The following CDYL2 variants were observed in gnomAD, a reference collection of about 807,000 sequenced individuals.
CDYL2 encodes the protein chromodomain Y-like protein 2.
Under a neutral mutation model 49.4 loss-of-function variants are expected in CDYL2, and 23 were observed. The ratio of observed to expected loss-of-function variants is 0.47; its 90% CI spans 0.34 to 0.66. The LOEUF (loss-of-function observed/expected upper bound fraction) is 0.66, where lower values mean the gene tolerates loss of function less well. CDYL2 is among the 30% of genes least tolerant of loss of function. CDYL2 has a pLI of 0.01. For synonymous variants in CDYL2, 360 were observed against 268.8 expected (o/e 1.34, Z -3.32); for missense variants, 678 against 656.4 (o/e 1.03, Z -0.36).
At chr16:80,640,440 G>A (rs368670136) in intron 2 of CDYL2, among the ~76,000 whole-genome samples, 2 of 152,120 alleles carry the variant, frequency 1.3e-5, no homozygotes, top group East Asian at 3.9e-4. Context: ...ACCACGTTGA[G>A]GGCCTTGGGT....
intron 1 of CDYL2, among the ~76,000 whole-genome samples, chr16:80,736,863 T>G (rs1905550527): frequency 6.6e-6 from 1 of 152,256 alleles, no homozygotes; most frequent in Admixed American, 6.5e-5. Flanking sequence ...CCCAGTCATT[T>G]GAACTGTTCA....
chr16:80,736,382 C>T (rs1190713563), intron 1 of CDYL2: 1 of 152,234 alleles, frequency 6.6e-6, no homozygotes, highest in Non-Finnish European at 1.5e-5. Context: ...ATTCAACAGA[C>T]TAAGCACTTA....
chr16:80,750,836 G>A (rs1473116232), intron 1 of CDYL2, among the ~76,000 whole-genome samples: 3 of 152,140 alleles, frequency 2.0e-5, no homozygotes, highest in East Asian at 1.9e-4. Context: ...TGGCTAAACA[G>A]TGAAACCCCG....
At chr16:80,715,473 T>G (rs1407706393) in intron 1 of CDYL2, among the ~76,000 whole-genome samples, 1 of 152,134 alleles carries the variant, frequency 6.6e-6, no homozygotes, top group East Asian at 1.9e-4. Context: ...CTGAATGTCT[T>G]TGCAAGACAT....
In CDYL2 at chr16:80,706,693, A is replaced by G. The variant is rs140764761; in HGVS notation, c.25-21564T>C. Among the ~76,000 whole-genome samples, 306 of 152,318 alleles carry G rather than the reference A, an allele frequency of 2.0e-3. 5 individuals carry two copies. The highest frequency in any genetic ancestry group is 0.018 in the East Asian group (91 of 5,176). On this transcript the variant is annotated intron_variant, in intron 1 of 6. Transcript: ENST00000570137. ...CTCCACAAGTGTACAAGAAATGCCA[A>G]GAAGAATGAGATTGAGTCCAGGGAC...
Position 80,615,448 on chromosome 16 carries a change from A to C in CDYL2, c.1008-2612T>G, listed in dbSNP as rs999204199. On this transcript the variant is annotated intron_variant, in intron 4 of 6. Transcript: ENST00000570137. ...TAGGACTCATGGGACCGTATCTTCC[A>C]CTCGGTGCAGAATTCCCTCCATAAC... is the stretch of plus-strand genomic sequence containing the variant. Among the ~76,000 whole-genome samples, 9 of 152,044 alleles carry C rather than the reference A, an allele frequency of 5.9e-5. No homozygotes were observed. The South Asian group carries it at 8.3e-4, about 14-fold the overall frequency.
chr16:80,725,405 G>A (rs929045331), intron 1 of CDYL2, among the ~76,000 whole-genome samples: 10 of 152,102 alleles, frequency 6.6e-5, no homozygotes, highest in Non-Finnish European at 1.0e-4. Flanking sequence ...TCATGGTGAC[G>A]ATCCACTTCT....
intron 1 of CDYL2, among the ~76,000 whole-genome samples, chr16:80,707,661 T>C (rs192109032): frequency 6.6e-6 from 1 of 152,278 alleles, no homozygotes; most frequent in East Asian, 1.9e-4. Context: ...TCTTTCTGAG[T>C]GTTCAGATCC....
Position 80,684,651 on chromosome 16 carries a change from C to G in CDYL2, c.503G>C (p.Arg168Thr), listed in dbSNP as rs752873125. Residue 168 changes from arginine (R) to threonine (T), a missense_variant, in exon 2 of 7, where the codon AGG becomes ACG. Physicochemically the swap from Arg to Thr is moderately conservative, Grantham distance 71 (BLOSUM62 -1). Coordinates refer to ENST00000570137, the MANE Select transcript of CDYL2 (RefSeq NM_152342.4). ...NGDAGSEKDE[R>T]HFGNGSHQPG... ...CTGATGGGACCCATTTCCAAAGTGC[C>G]TCTCATCCTTCTCAGAGCCGGCGTC... The G allele has an allele frequency of 1.2e-6, 2 of 1,614,156 alleles. No homozygotes were observed. Among genetic ancestry groups the G allele is most frequent in the South Asian group, 1.1e-5 (1 of 91,082 alleles).
At chr16:80,692,635 G>A (rs1317451919) in intron 1 of CDYL2, among the ~76,000 whole-genome samples, 1 of 152,166 alleles carries the variant, frequency 6.6e-6, no homozygotes, top group Non-Finnish European at 1.5e-5. Flanking sequence ...CAAATTGAAA[G>A]CAAATATTAA....
chr16:80,715,581 C>G (rs1904770888), intron 1 of CDYL2, among the ~76,000 whole-genome samples: 1 of 152,154 alleles, frequency 6.6e-6, no homozygotes, highest in East Asian at 1.9e-4. Context: ...CCTCCGGCCT[C>G]CCTTTCCTCC....
chr16:80,723,991 G>C (rs985322399), intron 1 of CDYL2, among the ~76,000 whole-genome samples: 2 of 145,738 alleles, frequency 1.4e-5, no homozygotes, highest in African/African-American at 5.2e-5. Flanking sequence ...AAGAAGCAAG[G>C]AGAGAAAGAG....
Position 80,739,702 on chromosome 16 carries a change from C to T in CDYL2, c.25-54573G>A, listed in dbSNP as rs143535097. ...GCCCATGGAACAAGACGCACCAGCTCAGAGCTCAGGTGTGGGAGGTGGGAG... is the reference window on the plus strand; with the variant it reads ...GCCCATGGAACAAGACGCACCAGCTTAGAGCTCAGGTGTGGGAGGTGGGAG... On this transcript the variant is annotated intron_variant, in intron 1 of 6. Coordinates refer to ENST00000570137, the MANE Select transcript of CDYL2 (RefSeq NM_152342.4). Among the ~76,000 whole-genome samples the T allele has an allele frequency of 5.6e-3, 859 of 152,242 alleles. 8 individuals are homozygous for T. The highest frequency in any genetic ancestry group is 0.028 in the South Asian group (134 of 4,816).
chr16:80,765,168 A>G lies in CDYL2; in HGVS notation c.24+38982T>C, dbSNP rs1387859666. Among the ~76,000 whole-genome samples, 3 of 139,944 alleles carry G rather than the reference A, an allele frequency of 2.1e-5. No homozygotes were observed. The East Asian group carries it at 6.0e-4, about 28-fold the overall frequency. 91.8% of individuals were successfully genotyped at this position (139,944 alleles called of 152,430 possible). On this transcript the variant is annotated intron_variant, in intron 1 of 6. Transcript: ENST00000570137. ...GTACTATATGTTATACAATATATAT[A>G]ATATATTATATAATAATATACTGGT... is the stretch of plus-strand genomic sequence containing the variant.
intron 2 of CDYL2, among the ~76,000 whole-genome samples, chr16:80,637,898 C>T (rs994113430): frequency 2.0e-5 from 3 of 152,004 alleles, no homozygotes; most frequent in East Asian, 1.9e-4. Context: ...AACTATTATA[C>T]GTAAATGTTA....
rs1473668866 is a variant in CDYL2, at chr16:80,602,976, G to C, written c.*1412C>G. 3 of 152,146 alleles carry C rather than the reference G, an allele frequency of 2.0e-5. No homozygotes were observed. The highest frequency in any genetic ancestry group is 4.4e-5 in the Non-Finnish European group (3 of 68,056). The allele number at this position is 152,146 out of a possible 1,614,324, so 9.4% of individuals were successfully genotyped here. ...CCCTCCTTCTCTGTAGTTAATCCAG[G>C]GACTTGAATCTGATGGTCTAACACA... On this transcript the variant is annotated 3_prime_UTR_variant, in exon 7 of 7. Transcript: ENST00000570137.
chr16:80,614,993 C>T (rs1271119116), intron 4 of CDYL2, among the ~76,000 whole-genome samples: 1 of 151,954 alleles, frequency 6.6e-6, no homozygotes. Flanking sequence ...GATTCAACTG[C>T]GAGAAGTCTA....
chr16:80,770,207 T>A (rs943035828), intron 1 of CDYL2, among the ~76,000 whole-genome samples: 1 of 152,176 alleles, frequency 6.6e-6, no homozygotes, highest in Non-Finnish European at 1.5e-5. Context: ...AATAAAGTAA[T>A]AATCAATCAT....
intron 2 of CDYL2, among the ~76,000 whole-genome samples, chr16:80,668,710 C>T (rs1170038407): frequency 6.6e-6 from 1 of 151,892 alleles, no homozygotes; most frequent in Non-Finnish European, 1.5e-5. Flanking sequence ...ACCAGCCTGG[C>T]CAACATGGCA....
Sources: allele counts gnomAD v4.1 joint callset (sites outside exome capture counted in the v4.1 genomes callset), GRCh38; gene constraint gnomAD v4.1.1; transcripts MANE v1.5; gene names NCBI Gene and HGNC (gene_info 2026-07-23, HGNC 2026-07-21).